DOCK3: variants seen among roughly 807,000 people sequenced by gnomAD.
DOCK3 encodes dedicator of cytokinesis 3, also known as dedicator of cytokinesis protein 3.
In DOCK3, 60 loss-of-function variants were observed where a neutral mutation model predicts 265.6. That is an observed-to-expected ratio of 0.23 (90% CI 0.18 to 0.28). The LOEUF is 0.28. Ranked by LOEUF, DOCK3 falls within the 10% of genes least tolerant of loss-of-function variation. DOCK3 has a pLI of 1.00. For synonymous variants in DOCK3, 881 were observed against 938.0 expected (o/e 0.94, Z 1.11); for missense variants, 1,981 against 2,594.3 (o/e 0.76, Z 5.14).
intron 1 of DOCK3, among the ~76,000 whole-genome samples, chr3:50,767,239 T>C (rs1387832735): frequency 1.3e-5 from 2 of 152,230 alleles, no homozygotes; most frequent in African/African-American, 4.8e-5. Flanking sequence ...TTCTAGGGTT[T>C]TTATGGTTTT....
chr3:51,197,705 C>T (rs541057869), intron 12 of DOCK3, among the ~76,000 whole-genome samples: 29 of 152,186 alleles, frequency 1.9e-4, no homozygotes, highest in African/African-American at 6.3e-4. Flanking sequence ...CAGGGCACTC[C>T]GCAGGCCCCA....
intron 7 of DOCK3, among the ~76,000 whole-genome samples, chr3:51,081,016 C>G (rs1272841503): frequency 6.6e-6 from 1 of 150,934 alleles, no homozygotes; most frequent in Non-Finnish European, 1.5e-5. Flanking sequence ...TTTTATATTT[C>G]ATATATATCA....
intron 12 of DOCK3, among the ~76,000 whole-genome samples, chr3:51,192,221 T>C (rs1035227148): frequency 6.6e-6 from 1 of 151,612 alleles, no homozygotes; most frequent in African/African-American, 2.4e-5. Flanking sequence ...TCAGGTCTTA[T>C]GTTTAAGTCT....
At chr3:51,366,089 C>T (rs548462805) in intron 49 of DOCK3, among the ~76,000 whole-genome samples, 3 of 152,158 alleles carry the variant, frequency 2.0e-5, no homozygotes, top group South Asian at 2.1e-4. Context: ...TACCTCTGGT[C>T]GAATTCGGCT....
chr3:51,103,273 G>A (rs1280088004), intron 9 of DOCK3, among the ~76,000 whole-genome samples: 5 of 152,108 alleles, frequency 3.3e-5, no homozygotes, highest in Admixed American at 6.5e-5. Context: ...TACAATGAGA[G>A]CCTGTGCTAC....
At chr3:51,164,861 T>C (rs959698197) in intron 12 of DOCK3, among the ~76,000 whole-genome samples, 2 of 152,130 alleles carry the variant, frequency 1.3e-5, no homozygotes, top group African/African-American at 4.8e-5. Flanking sequence ...CAGGCATTTT[T>C]TGAGAATACT....
At chr3:50,848,299 T>C (rs2046188735) in intron 3 of DOCK3, among the ~76,000 whole-genome samples, 1 of 152,210 alleles carries the variant, frequency 6.6e-6, no homozygotes, top group Non-Finnish European at 1.5e-5. Context: ...ACTATTTACA[T>C]TCAACATTAA....
chr3:50,848,480 A>T (rs570129157), intron 3 of DOCK3, among the ~76,000 whole-genome samples: 3 of 152,164 alleles, frequency 2.0e-5, no homozygotes, highest in Non-Finnish European at 4.4e-5. Flanking sequence ...GTAAGCCTGG[A>T]CTAGTGGTAA....
chr3:50,848,205 A>T (rs1016287333), intron 3 of DOCK3, among the ~76,000 whole-genome samples: 3 of 152,110 alleles, frequency 2.0e-5, no homozygotes, highest in Non-Finnish European at 4.4e-5. Flanking sequence ...TCTGAGATGG[A>T]TCTCCTGAAG....
Position 51,260,291 on chromosome 3 carries a change from G to C in DOCK3, c.2320G>C (p.Asp774His). 3.7e-6 allele frequency: 6 copies of C among 1,613,890 alleles called. No homozygotes were observed. The highest frequency in any genetic ancestry group is 5.1e-6 in the Non-Finnish European group (6 of 1,179,882). Residue 774 changes from aspartate (D) to histidine (H), a missense_variant, in exon 23 of 53, where the codon GAC becomes CAC. By Grantham distance (81) the Asp-to-His change is moderately conservative. This residue lies in a region of DOCK3 where 1,357 missense variants were observed against 1,866.8 expected (regional missense o/e 0.73). Transcript: ENST00000266037. ...GTCCATCCGGTTTGTGCTCAGTCTG[G>C]ACAGCCGAAACTCAGAAACACTCCT... ...FQSIRFVLSLDSRNSETLLFT... is the reference protein window; with the variant it reads ...FQSIRFVLSLHSRNSETLLFT...
At position 51,338,350 on chromosome 3, in the gene DOCK3, C is replaced by T; in HGVS notation, c.3612-9C>T. 6.4e-7 allele frequency: 1 copy of T among 1,551,640 alleles called. No homozygotes were observed. The highest frequency in any genetic ancestry group is 1.2e-5 in the South Asian group (1 of 84,044). ...CATATCTGGTGCTCATCTGTGCTCT[C>T]TCTTCCAGGGACTGCATGAAAGGAG... On this transcript the variant is annotated splice_polypyrimidine_tract_variant and intron_variant, in intron 35 of 52. Coordinates refer to ENST00000266037, the MANE Select transcript of DOCK3 (RefSeq NM_004947.5).
At chr3:51,271,062 TC>T in intron 24 of DOCK3, 55 bp downstream of exon 24, 1 of 1,532,040 alleles carries the variant, frequency 6.5e-7, no homozygotes, top group Non-Finnish European at 8.8e-7. Flanking sequence ...CCTCCTTCCT[TC>T]CAGGGGTGAT....
intron 19 of DOCK3, 30 bp downstream of exon 19, chr3:51,229,639 G>A (rs368923485): frequency 1.5e-4 from 222 of 1,518,310 alleles, no homozygotes; most frequent in Non-Finnish European, 1.8e-4. Context: ...TAAACATACT[G>A]CATGAGGAAG....
At chr3:51,161,095 A>C (rs1281659623) in intron 12 of DOCK3, among the ~76,000 whole-genome samples, 3 of 139,098 alleles carry the variant, frequency 2.2e-5, no homozygotes, top group Non-Finnish European at 4.6e-5. Context: ...AAAAAAAAAC[A>C]AAAACACCTT....
chr3:50,728,727 A>ATT (rs2037994130), intron 1 of DOCK3, among the ~76,000 whole-genome samples: 3 of 26,692 alleles, frequency 1.1e-4, no homozygotes, highest in African/African-American at 5.2e-4. Flanking sequence ...AAATAAATAG[A>ATT]ATTTTTTTTT....
At chr3:51,253,806 A>G (rs985222592) in intron 22 of DOCK3, among the ~76,000 whole-genome samples, 1 of 152,114 alleles carries the variant, frequency 6.6e-6, no homozygotes, top group Non-Finnish European at 1.5e-5. Flanking sequence ...GATCTTTTCA[A>G]AAAACCAGCT....
At position 51,199,547 on chromosome 3, in the gene DOCK3, G is replaced by T. The variant is rs900712567; in HGVS notation, c.1038-9227G>T. On this transcript the variant is annotated intron_variant, in intron 12 of 52. Coordinates refer to ENST00000266037, the MANE Select transcript of DOCK3 (RefSeq NM_004947.5). ...ACAAAGCAGCCAGGAAGCTCCAACTGGGTGGAGCCCACCACAGCTCAAGGA... is the reference window on the plus strand; with the variant it reads ...ACAAAGCAGCCAGGAAGCTCCAACTTGGTGGAGCCCACCACAGCTCAAGGA... Among the ~76,000 whole-genome samples, 3 of 152,376 alleles carry T rather than the reference G, an allele frequency of 2.0e-5. No homozygotes were observed. In the South Asian group the frequency reaches 6.2e-4, roughly 32 times the overall value.
At chr3:51,106,208 G>A (rs2083273480) in intron 9 of DOCK3, among the ~76,000 whole-genome samples, 1 of 152,208 alleles carries the variant, frequency 6.6e-6, no homozygotes, top group South Asian at 2.1e-4. Flanking sequence ...TCAGACCTGA[G>A]CACCCCTCAG....
chr3:50,948,021 A>AATTATCATTATTATTATT (rs1425455436), intron 5 of DOCK3, among the ~76,000 whole-genome samples: 1 of 120,354 alleles, frequency 8.3e-6, no homozygotes, highest in Non-Finnish European at 1.7e-5. Flanking sequence ...ACGCCCAGCT[A>AATTATCATTATTATTATT]ATTATTATTA....
Sources: gnomAD v4.1 joint callset for allele counts (sites outside exome capture counted in the v4.1 genomes callset) on GRCh38, gnomAD v4.1.1 for gene constraint, gnomAD v4.1.1 regional missense constraint, MANE v1.5 for transcripts, NCBI Gene and HGNC (gene_info 2026-07-23, HGNC 2026-07-21) for gene names.